The following CSMD1 variants were observed in gnomAD, a reference collection of about 807,000 sequenced individuals.
CSMD1 encodes the protein CUB and Sushi multiple domains 1.
CSMD1 carries 213 observed loss-of-function variants against 417.5 expected under a neutral mutation model. The ratio of observed to expected loss-of-function variants is 0.51; its 90% CI spans 0.46 to 0.57. The LOEUF (loss-of-function observed/expected upper bound fraction) is 0.57. Ranked by LOEUF, CSMD1 falls within the 20% of genes least tolerant of loss-of-function variation. The pLI, the probability that CSMD1 is intolerant of heterozygous loss-of-function variation, is 0.00. For missense variants in CSMD1, 6,923 were observed against 4,529.7 expected (o/e 1.53, Z -15.17); for synonymous variants, 2,862 against 1,736.8 (o/e 1.65, Z -16.11).
intron 7 of CSMD1, among the ~76,000 whole-genome samples, chr8:3,631,990 G>A (rs1796805412): frequency 6.6e-6 from 1 of 152,166 alleles, no homozygotes; most frequent in Non-Finnish European, 1.5e-5. Context: ...TGTACACTTA[G>A]AAATTACTGA....
At chr8:4,322,349 G>C (rs577295779) in intron 3 of CSMD1, among the ~76,000 whole-genome samples, 9 of 152,252 alleles carry the variant, frequency 5.9e-5, no homozygotes, top group African/African-American at 9.6e-5. Flanking sequence ...CTGAGCACTG[G>C]AGAGAGTTTA....
chr8:4,238,358 G>T (rs1802191251), intron 3 of CSMD1, among the ~76,000 whole-genome samples: 1 of 152,146 alleles, frequency 6.6e-6, no homozygotes, highest in Admixed American at 6.5e-5. Flanking sequence ...TCCCAGCAAG[G>T]ACTGGGGCAG....
At chr8:4,935,002 T>G (rs1231355801) in intron 1 of CSMD1, among the ~76,000 whole-genome samples, 1 of 152,244 alleles carries the variant, frequency 6.6e-6, no homozygotes, top group East Asian at 1.9e-4. Context: ...ATTCATCATC[T>G]ATCTATACAT....
intron 30 of CSMD1, among the ~76,000 whole-genome samples, chr8:3,206,321 T>C (rs1797256141): frequency 1.5e-5 from 2 of 131,252 alleles, no homozygotes; most frequent in Non-Finnish European, 3.2e-5. Flanking sequence ...TCTGTGTGTG[T>C]GGTATGTGTG....
chr8:4,057,530 T>C (rs1270889036), intron 3 of CSMD1, among the ~76,000 whole-genome samples: 2 of 152,156 alleles, frequency 1.3e-5, no homozygotes, highest in Non-Finnish European at 2.9e-5. Context: ...AGAAGCTCTT[T>C]AGTTTAATTA....
intron 5 of CSMD1, among the ~76,000 whole-genome samples, chr8:3,869,798 G>A (rs1211439955): frequency 6.6e-6 from 1 of 152,092 alleles, no homozygotes; most frequent in Non-Finnish European, 1.5e-5. Flanking sequence ...CAAGATGGGA[G>A]CTTGCCAGAT....
At chr8:4,098,355 T>C (rs533847797) in intron 3 of CSMD1, among the ~76,000 whole-genome samples, 8 of 152,166 alleles carry the variant, frequency 5.3e-5, no homozygotes, top group African/African-American at 1.4e-4. Context: ...ATAGTGTTGA[T>C]CTTCACTATT....
Position 4,306,832 on chromosome 8 carries a change from A to AT in CSMD1, c.415+113120dup, listed in dbSNP as rs1554524371. Among the ~76,000 whole-genome samples, 5 of 64,044 alleles carry AT rather than the reference A, an allele frequency of 7.8e-5. No homozygotes were observed. The South Asian group carries it at 2.2e-3, about 28-fold the overall frequency. The allele number at this position is 64,044 out of a possible 152,430, so 42.0% of individuals were successfully genotyped here. ...ACCAATCAATCCCTAACATCTCCAGATTTAAAAAAAATCTAATAATTTTTC... is the reference window on the plus strand; with the variant it reads ...ACCAATCAATCCCTAACATCTCCAGATTTTAAAAAAAATCTAATAATTTTTC... On this transcript the variant is annotated intron_variant, in intron 3 of 69. Coordinates refer to ENST00000635120, the MANE Select transcript of CSMD1 (RefSeq NM_033225.6).
chr8:4,320,311 C>A (rs538673563), intron 3 of CSMD1, among the ~76,000 whole-genome samples: 4 of 152,224 alleles, frequency 2.6e-5, no homozygotes, highest in South Asian at 2.1e-4. Flanking sequence ...CCTTATAATA[C>A]CTTCAGGCTA....
intron 1 of CSMD1, among the ~76,000 whole-genome samples, chr8:4,658,882 G>C (rs1417661352): frequency 2.0e-5 from 3 of 152,058 alleles, no homozygotes; most frequent in African/African-American, 7.2e-5. Context: ...GAGCTATATA[G>C]GAGCACAACT....
chr8:3,946,781 G>T (rs1197735404), intron 5 of CSMD1, among the ~76,000 whole-genome samples: 2 of 151,988 alleles, frequency 1.3e-5, no homozygotes, highest in African/African-American at 4.8e-5. Context: ...AGTCTTGCAT[G>T]TATCTTCTTA....
chr8:4,122,616 G>T (rs1802549101), intron 3 of CSMD1, among the ~76,000 whole-genome samples: 1 of 152,166 alleles, frequency 6.6e-6, no homozygotes, highest in Non-Finnish European at 1.5e-5. Context: ...TGCAGAGATG[G>T]AGGTGATAAG....
chr8:3,401,098 T>C (rs1383115064), intron 15 of CSMD1, among the ~76,000 whole-genome samples: 1 of 151,848 alleles, frequency 6.6e-6, no homozygotes, highest in Non-Finnish European at 1.5e-5. Flanking sequence ...CACATTCTTT[T>C]ATGAATACAA....
At chr8:3,165,396 G>C (rs75777772) in intron 37 of CSMD1, among the ~76,000 whole-genome samples, 3,211 of 151,968 alleles carry the variant, frequency 0.021, 97 homozygotes, top group African/African-American at 0.066. Flanking sequence ...GTCATCATGA[G>C]AACAGTGGTT....
intron 1 of CSMD1, among the ~76,000 whole-genome samples, chr8:4,976,285 T>C (rs1052738946): frequency 1.3e-5 from 2 of 152,208 alleles, no homozygotes; most frequent in Non-Finnish European, 2.9e-5. Flanking sequence ...ATAATTTATT[T>C]ACAAATGTAT....
At chr8:3,887,841 A>T (rs1806669743) in intron 5 of CSMD1, among the ~76,000 whole-genome samples, 1 of 152,232 alleles carries the variant, frequency 6.6e-6, no homozygotes, top group South Asian at 2.1e-4. Context: ...TGCAAGGAAG[A>T]AACTAAATAT....
chr8:4,212,395 C>T (rs1029397415), intron 3 of CSMD1, among the ~76,000 whole-genome samples: 2 of 152,062 alleles, frequency 1.3e-5, no homozygotes, highest in Non-Finnish European at 2.9e-5. Flanking sequence ...AAGATGAAAG[C>T]CATACTTTTC....
chr8:3,647,015 A>C (rs182566981), intron 7 of CSMD1, among the ~76,000 whole-genome samples: 53 of 152,326 alleles, frequency 3.5e-4, no homozygotes, highest in Non-Finnish European at 6.3e-4. Context: ...ACATCTCAGC[A>C]GCTCTTTCCT....
At chr8:4,942,642 C>G (rs948132434) in intron 1 of CSMD1, among the ~76,000 whole-genome samples, 1 of 152,176 alleles carries the variant, frequency 6.6e-6, no homozygotes. Flanking sequence ...TTTTCACCAT[C>G]TATCCACTAA....
Sources: gnomAD v4.1 joint callset for allele counts (sites outside exome capture counted in the v4.1 genomes callset) on GRCh38, gnomAD v4.1.1 for gene constraint, MANE v1.5 for transcripts, NCBI Gene and HGNC (gene_info 2026-07-23, HGNC 2026-07-21) for gene names.